The following ATG3 variants were observed in gnomAD, a reference collection of about 807,000 sequenced individuals.
The protein encoded by ATG3 is autophagy related 3, also known as ubiquitin-like-conjugating enzyme ATG3.
Under a neutral mutation model 50.7 loss-of-function variants are expected in ATG3, and 25 were observed. The observed-to-expected ratio is 0.49, with a 90% CI of 0.36 to 0.69. ATG3 has a LOEUF of 0.69. Ranked by LOEUF, ATG3 falls within the 30% of genes least tolerant of loss-of-function variation. The pLI, the probability that ATG3 is intolerant of heterozygous loss-of-function variation, is 0.00. For synonymous variants in ATG3, 119 were observed against 125.5 expected (o/e 0.95, Z 0.34); for missense variants, 281 against 376.0 (o/e 0.75, Z 2.09).
intron 1 of ATG3, among the ~76,000 whole-genome samples, chr3:112,558,814 G>A (rs1022951886): frequency 3.3e-5 from 5 of 151,832 alleles, no homozygotes; most frequent in Non-Finnish European, 7.4e-5. Context: ...TTGGCTCACG[G>A]CAACCTCCAC....
chr3:112,559,416 GT>G (rs1368030783), intron 1 of ATG3, among the ~76,000 whole-genome samples: 1 of 152,202 alleles, frequency 6.6e-6, no homozygotes, highest in Non-Finnish European at 1.5e-5. Flanking sequence ...ATATTTGGGG[GT>G]GAATAACATA....
At chr3:112,552,849 T>C (rs542166390) in intron 3 of ATG3, among the ~76,000 whole-genome samples, 168 of 152,158 alleles carry the variant, frequency 1.1e-3, no homozygotes, top group African/African-American at 3.8e-3. Flanking sequence ...GGTTTCACCA[T>C]GTTAGCCAGG....
intron 3 of ATG3, among the ~76,000 whole-genome samples, chr3:112,552,211 T>C (rs914722927): frequency 1.1e-4 from 16 of 152,198 alleles, no homozygotes; most frequent in African/African-American, 3.9e-4. Context: ...AACAAGGTGA[T>C]AATTCCAAAC....
chr3:112,548,498 TA>T (rs34186576), intron 5 of ATG3, 34 bp downstream of exon 5: 75,503 of 1,523,142 alleles, frequency 0.05, 2,680 homozygotes, highest in Admixed American at 0.16. Flanking sequence ...GAGTTTAATT[TA>T]AACTAAATAT....
intron 7 of ATG3, 147 bp from the exon 8 acceptor site, chr3:112,538,327 T>C (rs1229066060): frequency 9.7e-6 from 6 of 620,438 alleles, no homozygotes; most frequent in Non-Finnish European, 1.7e-5. Flanking sequence ...TAGATATAAG[T>C]GAGCTAATTC....
chr3:112,546,167 CAACA>C (rs1482110480), intron 5 of ATG3, among the ~76,000 whole-genome samples: 1 of 150,148 alleles, frequency 6.7e-6, no homozygotes, highest in Non-Finnish European at 1.5e-5. Flanking sequence ...AAAACAACAA[CAACA>C]AACAAAAAAA....
rs1933885358 is a variant in ATG3 at position 112,561,586 on chromosome 3, G to A, written c.-58C>T. On this transcript the variant is annotated 5_prime_UTR_variant, in exon 1 of 12. Transcript: ENST00000283290. ...GGGATGGAAAGTGCAGCCGTGTCAG[G>A]GGCCAGGGAGTCAGAAAATGTCCTC... 17 of 1,539,642 alleles carry A rather than the reference G, an allele frequency of 1.1e-5. No homozygotes were observed. Among genetic ancestry groups the A allele is most frequent in the Non-Finnish European group, 1.5e-5 (17 of 1,131,788 alleles).
chr3:112,541,850 C>A lies in ATG3; in HGVS notation c.428G>T (p.Cys143Phe), dbSNP rs1477055745. 2.0e-5 allele frequency: 32 copies of A among 1,612,480 alleles called. No homozygotes were observed. Among genetic ancestry groups the A allele is most frequent in the Non-Finnish European group, 2.6e-5 (31 of 1,179,726 alleles). Residue 143 changes from cysteine to phenylalanine, a missense_variant, in exon 7 of 12, where the codon TGT becomes TTT. Cys to Phe is a radical substitution (Grantham distance 205). Around this residue, in one of 3 missense-constraint regions of ATG3, gnomAD observed 242 missense variants for 305.0 expected, o/e 0.79. Transcript: ENST00000283290. ...NIRLQDCSALCEEEEDEDEGE... is the reference protein window; with the variant it reads ...NIRLQDCSALFEEEEDEDEGE... ...TTCATCTTCATCTTCTTCCTCTTCACATAGTGCTGAGCAATCTTGAAGCCT... is the reference window on the plus strand; with the variant it reads ...TTCATCTTCATCTTCTTCCTCTTCAAATAGTGCTGAGCAATCTTGAAGCCT...
intron 8 of ATG3, 43 bp from the exon 9 acceptor site, chr3:112,537,933 T>C: frequency 6.6e-7 from 1 of 1,517,104 alleles, no homozygotes; most frequent in Non-Finnish European, 9.0e-7. Context: ...ATTAAATCGG[T>C]ATGAATGTGA....
intron 3 of ATG3, among the ~76,000 whole-genome samples, chr3:112,551,738 C>T (rs1933534583): frequency 6.6e-6 from 1 of 152,054 alleles, no homozygotes; most frequent in African/African-American, 2.4e-5. Flanking sequence ...AACCTCATTT[C>T]CCTATTTGAC....
chr3:112,538,247 A>C (rs1933128395), intron 7 of ATG3, 67 bp from the exon 8 acceptor site: 1 of 1,245,308 alleles, frequency 8.0e-7, no homozygotes, highest in Admixed American at 2.4e-5. Context: ...AACCAATTTA[A>C]GTATTACTTC....
intron 11 of ATG3, 52 bp downstream of exon 11, chr3:112,534,217 A>AC: frequency 6.3e-7 from 1 of 1,587,774 alleles, no homozygotes; most frequent in Non-Finnish European, 8.5e-7. Flanking sequence ...TTCTCAAAAA[A>AC]AAAATCGTTA....
chr3:112,548,351 G>T (rs1231135664), intron 5 of ATG3, among the ~76,000 whole-genome samples, 182 bp downstream of exon 5: 1 of 152,042 alleles, frequency 6.6e-6, no homozygotes, highest in Non-Finnish European at 1.5e-5. Context: ...CTCAAAAAAA[G>T]AAATAAATTT....
chr3:112,536,136 A>G (rs1403167388), intron 10 of ATG3: 11 of 113,118 alleles, frequency 9.7e-5, no homozygotes, highest in African/African-American at 4.8e-4. Flanking sequence ...ACAGCAAACC[A>G]TATCTAAATG....
chr3:112,539,768 A>G (rs569046142), intron 7 of ATG3, among the ~76,000 whole-genome samples: 13 of 152,356 alleles, frequency 8.5e-5, no homozygotes, highest in African/African-American at 3.1e-4. Context: ...AGATACCATT[A>G]ACACAACTGT....
At position 112,548,660 on chromosome 3, in the gene ATG3, T is replaced by A. The variant is rs773654928; in HGVS notation, c.236-20A>T. ...ACGGCACTATAAAAAAAATGGTAAA[T>A]ACAGTTAACTAGCACGTAATCTGCT... On this transcript the variant is annotated intron_variant, in intron 4 of 11. Coordinates refer to ENST00000283290, the MANE Select transcript of ATG3 (RefSeq NM_022488.5). The A allele has an allele frequency of 6.3e-7, 1 of 1,587,034 alleles. No homozygotes were observed. Among genetic ancestry groups the A allele is most frequent in the South Asian group, 1.1e-5 (1 of 90,514 alleles).
In ATG3 at chr3:112,534,421, C is replaced by T. The variant is rs142003555; in HGVS notation, c.795-84G>A. ...AACATATTTTCATTTGTAAAGAAAT[C>T]GACCCTATTACTCTCAGTGAATTAA... On this transcript the variant is annotated intron_variant, in intron 10 of 11. Transcript: ENST00000283290. 2.6e-5 allele frequency: 30 copies of T among 1,139,876 alleles called. No individual in the cohort carries two copies. The African/African-American group carries it at 3.3e-4, about 12-fold the overall frequency. The allele number at this position is 1,139,876 out of a possible 1,614,324, so 70.6% of individuals were successfully genotyped here.
At chr3:112,542,328 C>A (rs1933254362) in intron 6 of ATG3, among the ~76,000 whole-genome samples, 1 of 152,066 alleles carries the variant, frequency 6.6e-6, no homozygotes, top group South Asian at 2.1e-4. Context: ...AATATCTTAG[C>A]TGAATTAGGC....
intron 10 of ATG3, chr3:112,534,841 T>G (rs1043800460): frequency 2.0e-5 from 3 of 151,590 alleles, no homozygotes; most frequent in Non-Finnish European, 2.9e-5. Flanking sequence ...ATCTATAATC[T>G]TGTGATCTGG....
Sources: gnomAD v4.1 joint callset for allele counts (sites outside exome capture counted in the v4.1 genomes callset) on GRCh38, gnomAD v4.1.1 for gene constraint, gnomAD v4.1.1 regional missense constraint, MANE v1.5 for transcripts, NCBI Gene and HGNC (gene_info 2026-07-23, HGNC 2026-07-21) for gene names.